Variants in ANKIB1 observed in about 807,000 individuals in gnomAD.
The protein encoded by ANKIB1 is ankyrin repeat and IBR domain containing 1, also known as ankyrin repeat and IBR domain-containing protein 1.
A neutral mutation model predicts 122.1 loss-of-function variants in ANKIB1; 43 were observed. That is an observed-to-expected ratio of 0.35 (90% confidence interval 0.28 to 0.45). The LOEUF is 0.45. Among genes scored for constraint, ANKIB1 ranks in the 20% least tolerant of loss-of-function variants. The pLI, the probability that ANKIB1 is intolerant of heterozygous loss-of-function variation, is 1.00. For synonymous variants in ANKIB1, 390 were observed against 442.0 expected (o/e 0.88, Z 1.48); for missense variants, 992 against 1,329.5 (o/e 0.75, Z 3.95).
chr7:92,338,930 AAAAATATATATAT>A (rs1176125983), intron 5 of ANKIB1, among the ~76,000 whole-genome samples: 1 of 37,172 alleles, frequency 2.7e-5, no homozygotes, highest in Non-Finnish European at 5.6e-5. Flanking sequence ...AAAAAAAAAA[AAAAATATATATAT>A]ATATATATAT....
chr7:92,386,627 A>T lies in ANKIB1; in HGVS notation c.1736A>T (p.Lys579Met). 1 of 1,603,580 alleles carries T rather than the reference A, an allele frequency of 6.2e-7. No individual in the cohort carries two copies. The highest frequency in any genetic ancestry group is 8.5e-7 in the Non-Finnish European group (1 of 1,175,390). Residue 579 changes from lysine (K) to methionine (M), a missense_variant, in exon 12 of 20, where the codon AAG (lysine) becomes ATG (methionine). Coordinates refer to ENST00000265742, the MANE Select transcript of ANKIB1 (RefSeq NM_019004.2). Reference sequence around the variant, plus strand: ...ATTCAACACGTGGAGGAGCAATCCAAGGAAATGACTGTGGAGGTAAAGAGA... The same window carrying T: ...ATTCAACACGTGGAGGAGCAATCCATGGAAATGACTGTGGAGGTAAAGAGA... ...EVIQHVEEQS[K>M]EMTVEAEKKH...
intron 5 of ANKIB1, among the ~76,000 whole-genome samples, chr7:92,336,198 T>TTTCTGTCTCCAAGTTCACCAAA (rs1320175490): frequency 4.6e-5 from 7 of 152,106 alleles, no homozygotes; most frequent in Non-Finnish European, 1.0e-4. Context: ...GATTGGATCA[T>TTTCTGTCTCCAAGTTCACCAAA]TTCTGTCTCC....
intron 2 of ANKIB1, among the ~76,000 whole-genome samples, chr7:92,302,287 AC>A (rs1562775837): frequency 6.6e-6 from 1 of 152,196 alleles, no homozygotes; most frequent in African/African-American, 2.4e-5. Flanking sequence ...ATTCCTAGTC[AC>A]GGACCTTTTA....
At chr7:92,348,191 ATCT>A (rs1270013273) in intron 7 of ANKIB1, among the ~76,000 whole-genome samples, 7 of 152,174 alleles carry the variant, frequency 4.6e-5, no homozygotes, top group Non-Finnish European at 8.8e-5. Flanking sequence ...AGATGATTAA[ATCT>A]TCTCTGATAT....
chr7:92,323,341 G>C (rs908823467), intron 4 of ANKIB1, among the ~76,000 whole-genome samples: 1 of 151,994 alleles, frequency 6.6e-6, no homozygotes, highest in Non-Finnish European at 1.5e-5. Context: ...TTATTTCTCT[G>C]ATTATCGTGT....
intron 1 of ANKIB1, among the ~76,000 whole-genome samples, chr7:92,257,614 G>A (rs1801474371): frequency 6.6e-6 from 1 of 152,168 alleles, no homozygotes; most frequent in Non-Finnish European, 1.5e-5. Flanking sequence ...CCAACATGGA[G>A]AAACCCCGTC....
intron 3 of ANKIB1, among the ~76,000 whole-genome samples, chr7:92,310,370 C>T (rs1802667176): frequency 6.6e-6 from 1 of 152,028 alleles, no homozygotes; most frequent in Non-Finnish European, 1.5e-5. Flanking sequence ...TTTTTTATAA[C>T]ATTTCAGCAT....
chr7:92,354,906 G>A (rs4729029), intron 9 of ANKIB1, among the ~76,000 whole-genome samples: 92 of 152,236 alleles, frequency 6.0e-4, no homozygotes, highest in Non-Finnish European at 1.0e-3. Flanking sequence ...CAAAATCTCA[G>A]AAGTAATTTT....
chr7:92,386,736 AAGT>A, intron 12 of ANKIB1, 93 bp downstream of exon 12: 1 of 1,226,640 alleles, frequency 8.2e-7, no homozygotes, highest in Non-Finnish European at 1.1e-6. Flanking sequence ...CATCTTAATA[AAGT>A]ATTAAATTGA....
intron 18 of ANKIB1, among the ~76,000 whole-genome samples, chr7:92,397,127 CAAAA>C (rs1804915314): frequency 6.6e-6 from 1 of 151,700 alleles, no homozygotes; most frequent in Admixed American, 6.6e-5. Context: ...TATTGCTTAA[CAAAA>C]AAAGAGAAAT....
intron 9 of ANKIB1, among the ~76,000 whole-genome samples, chr7:92,355,824 A>T (rs1474365273): frequency 6.7e-6 from 1 of 150,366 alleles, no homozygotes; most frequent in Non-Finnish European, 1.5e-5. Context: ...ACTCCAGCCC[A>T]GGCAACGGAG....
At chr7:92,371,950 G>GGGGTGTGT (rs1347607106) in intron 11 of ANKIB1, among the ~76,000 whole-genome samples, 3 of 118,066 alleles carry the variant, frequency 2.5e-5, no homozygotes, top group South Asian at 6.8e-4. Context: ...TTGAGAGAGG[G>GGGGTGTGT]GTGTGTGTGT....
At chr7:92,276,738 A>G (rs183014586) in intron 1 of ANKIB1, among the ~76,000 whole-genome samples, 2 of 152,380 alleles carry the variant, frequency 1.3e-5, no homozygotes, top group Admixed American at 1.3e-4. Flanking sequence ...TGGACAGCAC[A>G]TATCTGGTTA....
intron 5 of ANKIB1, among the ~76,000 whole-genome samples, chr7:92,334,204 T>C (rs1803238184): frequency 6.6e-6 from 1 of 152,140 alleles, no homozygotes; most frequent in Non-Finnish European, 1.5e-5. Flanking sequence ...TGTGTTGTAA[T>C]GCATTACAGA....
chr7:92,327,752 C>T, intron 4 of ANKIB1, 31 bp from the exon 5 acceptor site: 1 of 1,230,190 alleles, frequency 8.1e-7, no homozygotes. Flanking sequence ...AGTATAATGC[C>T]CATTTAACTT....
At position 92,364,844 on chromosome 7, in the gene ANKIB1, C is replaced by T. The variant is rs148202145; in HGVS notation, c.1486+2571C>T. ...AAGAAAAGATAGACTAAAGGTAGGA[C>T]GGTGAATTTTTAGTTTGGGTCGGAG... On this transcript the variant is annotated intron_variant, in intron 10 of 19. Coordinates refer to ENST00000265742, the MANE Select transcript of ANKIB1 (RefSeq NM_019004.2). Among the ~76,000 whole-genome samples, 7 of 152,142 alleles carry T rather than the reference C, an allele frequency of 4.6e-5. No homozygotes were observed. The East Asian group carries it at 9.6e-4, about 21-fold the overall frequency.
intron 1 of ANKIB1, among the ~76,000 whole-genome samples, chr7:92,265,112 G>A (rs1217996719): frequency 6.6e-6 from 1 of 152,074 alleles, no homozygotes; most frequent in Non-Finnish European, 1.5e-5. Flanking sequence ...CAAGTAGCTA[G>A]GACTACATGT....
chr7:92,291,293 C>CAA (rs1437355363), intron 1 of ANKIB1, among the ~76,000 whole-genome samples: 7 of 93,238 alleles, frequency 7.5e-5, no homozygotes, highest in East Asian at 6.1e-4. Context: ...GATCCCGTCT[C>CAA]AAAAAAAAAA....
chr7:92,391,371 C>G lies in ANKIB1; in HGVS notation c.2231+27C>G, dbSNP rs996685512. 4.1e-6 allele frequency: 6 copies of G among 1,475,080 alleles called. No homozygotes were observed. In the African/African-American group the frequency reaches 8.5e-5, roughly 21 times the overall value. 91.4% of individuals were successfully genotyped at this position (1,475,080 alleles called of 1,614,324 possible). Reference sequence around the variant, plus strand: ...TAAAAAGGACGTACACTGTGGAAATCATCCTAGCTCCAGCCACAAATACCA... The same window carrying G: ...TAAAAAGGACGTACACTGTGGAAATGATCCTAGCTCCAGCCACAAATACCA... On this transcript the variant is annotated intron_variant, in intron 16 of 19. Coordinates refer to ENST00000265742, the MANE Select transcript of ANKIB1 (RefSeq NM_019004.2).
Sources: gnomAD v4.1 joint callset for allele counts (sites outside exome capture counted in the v4.1 genomes callset) on GRCh38, gnomAD v4.1.1 for gene constraint, MANE v1.5 for transcripts, NCBI Gene and HGNC (gene_info 2026-07-23, HGNC 2026-07-21) for gene names.